The following PDGFD variants were observed in gnomAD, a reference collection of about 807,000 sequenced individuals.
The protein encoded by PDGFD is platelet-derived growth factor D.
A neutral mutation model predicts 44.7 loss-of-function variants in PDGFD; 30 were observed. That is an observed-to-expected ratio of 0.67 (90% confidence interval 0.50 to 0.91). PDGFD has a LOEUF of 0.91. Ranked by LOEUF, PDGFD falls within the 40% of genes least tolerant of loss-of-function variation. The pLI, the probability that PDGFD is intolerant of heterozygous loss-of-function variation, is 0.00. For missense variants in PDGFD, 445 were observed against 457.8 expected (o/e 0.97, Z 0.25); for synonymous variants, 173 against 168.4 (o/e 1.03, Z -0.21).
intron 1 of PDGFD, among the ~76,000 whole-genome samples, chr11:104,028,558 T>C (rs561844593): frequency 6.6e-6 from 1 of 151,064 alleles, no homozygotes; most frequent in African/African-American, 2.4e-5. Flanking sequence ...TCAACTACAG[T>C]GGGGCTTCAT....
intron 6 of PDGFD, among the ~76,000 whole-genome samples, chr11:103,926,189 T>A (rs1424243512): frequency 6.6e-6 from 1 of 152,114 alleles, no homozygotes; most frequent in Non-Finnish European, 1.5e-5. Context: ...TACTCACCTA[T>A]AAAAAAAGAA....
At chr11:104,039,114 T>A (rs1367378418) in intron 1 of PDGFD, 2 of 167,048 alleles carry the variant, frequency 1.2e-5, no homozygotes, top group Non-Finnish European at 2.9e-5. Flanking sequence ...AGTTTCAGCT[T>A]CCTGAGGCCA....
chr11:104,091,797 C>G (rs1861215981), intron 1 of PDGFD, among the ~76,000 whole-genome samples: 1 of 152,042 alleles, frequency 6.6e-6, no homozygotes, highest in African/African-American at 2.4e-5. Flanking sequence ...CACCTCATTG[C>G]AAAAATGATC....
At chr11:104,128,689 G>A (rs1001704224) in intron 1 of PDGFD, among the ~76,000 whole-genome samples, 7 of 152,128 alleles carry the variant, frequency 4.6e-5, no homozygotes, top group Admixed American at 2.6e-4. Flanking sequence ...TCTTACTTGG[G>A]AAATTTATTT....
At chr11:103,941,114 G>A (rs549732467) in intron 5 of PDGFD, among the ~76,000 whole-genome samples, 3 of 152,152 alleles carry the variant, frequency 2.0e-5, no homozygotes, top group East Asian at 3.9e-4. Context: ...TCTTGACACT[G>A]GCTGTCTCTA....
Position 104,054,422 on chromosome 11 carries a change from A to C in PDGFD, c.125-54167T>G, listed in dbSNP as rs528433842. ...AATATACGACAATGTAAAAGAAATA[A>C]GGCAACCTCAATAAGAAAATAGGCA... On this transcript the variant is annotated intron_variant, in intron 1 of 6. Coordinates refer to ENST00000393158, the MANE Select transcript of PDGFD (RefSeq NM_025208.5). Among the ~76,000 whole-genome samples the C allele has an allele frequency of 9.1e-4, 139 of 152,368 alleles. 1 individual carries two copies. Among genetic ancestry groups the C allele is most frequent in the African/African-American group, 3.1e-3 (127 of 41,590 alleles).
At chr11:103,954,415 A>C (rs1409904818) in intron 3 of PDGFD, among the ~76,000 whole-genome samples, 1 of 152,152 alleles carries the variant, frequency 6.6e-6, no homozygotes, top group Non-Finnish European at 1.5e-5. Flanking sequence ...TGGGATGATT[A>C]GTTGTACCAC....
chr11:104,023,888 T>A (rs1433515318), intron 1 of PDGFD, among the ~76,000 whole-genome samples: 2 of 152,166 alleles, frequency 1.3e-5, no homozygotes, highest in South Asian at 2.1e-4. Context: ...CATGTACTTG[T>A]ATCATTCATT....
intron 3 of PDGFD, among the ~76,000 whole-genome samples, chr11:103,950,114 G>A (rs756088112): frequency 8.6e-5 from 13 of 152,034 alleles, no homozygotes; most frequent in Non-Finnish European, 1.9e-4. Flanking sequence ...ATATAGATTT[G>A]GGAAGTATCA....
At chr11:104,082,804 T>C (rs933421690) in intron 1 of PDGFD, among the ~76,000 whole-genome samples, 1 of 152,054 alleles carries the variant, frequency 6.6e-6, no homozygotes, top group Non-Finnish European at 1.5e-5. Context: ...GCTAATATTT[T>C]AAATTTTTGT....
rs1859362269 is a variant in PDGFD, at chr11:103,986,341, C to T, written c.510+9724G>A. ...AGCCAGAGTGAGTACAAGAGTAGAA[C>T]AGAGTTCCAAAGGACCGTTACCAAA... On this transcript the variant is annotated intron_variant, in intron 3 of 6. Transcript: ENST00000393158. Among the ~76,000 whole-genome samples the T allele has an allele frequency of 2.0e-5, 3 of 152,144 alleles. No homozygotes were observed. In the South Asian group the frequency reaches 6.2e-4, roughly 31 times the overall value.
intron 1 of PDGFD, among the ~76,000 whole-genome samples, chr11:104,108,528 A>G (rs1004241145): frequency 4.6e-5 from 7 of 152,132 alleles, no homozygotes; most frequent in Admixed American, 2.0e-4. Flanking sequence ...TTAGAATGGC[A>G]ATCATTAAAA....
chr11:103,911,257 G>T (rs768686093), intron 6 of PDGFD, among the ~76,000 whole-genome samples: 1 of 152,188 alleles, frequency 6.6e-6, no homozygotes, highest in Non-Finnish European at 1.5e-5. Context: ...GCCTCCTCAA[G>T]TGGGTCCCTG....
Position 104,163,941 on chromosome 11 carries a change from C to T in PDGFD, c.-14G>A. 6.5e-7 allele frequency: 1 copy of T among 1,529,852 alleles called. No individual in the cohort carries two copies. The allele number at this position is 1,529,852 out of a possible 1,614,324, so 94.8% of individuals were successfully genotyped here. A position where few individuals can be genotyped will look rare whatever the true frequency, so the allele number is the denominator to read the frequency against. ...GAGCCGGTGCATTTGGGATCAGCGA[C>T]TAGAGACAGCGTCGCTCCAAGAAAA... On this transcript the variant is annotated 5_prime_UTR_variant, in exon 1 of 7. Transcript: ENST00000393158.
chr11:104,004,710 A>G (rs1399909725), intron 1 of PDGFD, among the ~76,000 whole-genome samples: 2 of 152,128 alleles, frequency 1.3e-5, no homozygotes, highest in African/African-American at 2.4e-5. Flanking sequence ...AATATGCACA[A>G]CAGCAAACAC....
intron 1 of PDGFD, among the ~76,000 whole-genome samples, chr11:104,060,387 G>C (rs1409771133): frequency 2.0e-5 from 3 of 152,198 alleles, no homozygotes; most frequent in African/African-American, 7.2e-5. Flanking sequence ...AGCTGGCCCA[G>C]AGGCCTGGAG....
chr11:104,042,313 C>T (rs1189281185), intron 1 of PDGFD, among the ~76,000 whole-genome samples: 1 of 152,184 alleles, frequency 6.6e-6, no homozygotes, highest in African/African-American at 2.4e-5. Context: ...ATCCCAGCTT[C>T]TTTCCACACC....
intron 6 of PDGFD, among the ~76,000 whole-genome samples, chr11:103,916,378 C>T (rs1208041411): frequency 2.6e-5 from 4 of 152,128 alleles, no homozygotes; most frequent in African/African-American, 7.2e-5. Context: ...CAAAACAAAA[C>T]CACAGTGACA....
intron 1 of PDGFD, among the ~76,000 whole-genome samples, chr11:104,149,554 C>G (rs140974002): frequency 1.2e-3 from 176 of 152,216 alleles, no homozygotes; most frequent in African/African-American, 3.7e-3. Context: ...AGGAGCAGCC[C>G]CTACCATCAC....
Sources: gnomAD v4.1 joint callset for allele counts (sites outside exome capture counted in the v4.1 genomes callset) on GRCh38, gnomAD v4.1.1 for gene constraint, MANE v1.5 for transcripts, NCBI Gene and HGNC (gene_info 2026-07-23, HGNC 2026-07-21) for gene names.